The following CPEB3 variants were observed in gnomAD, a reference collection of about 807,000 sequenced individuals.
The protein encoded by CPEB3 is cytoplasmic polyadenylation element-binding protein 3.
A neutral mutation model predicts 67.2 loss-of-function variants in CPEB3; 20 were observed. The observed-to-expected ratio is 0.30, with a 90% CI of 0.21 to 0.43. CPEB3 has a LOEUF of 0.43. Among genes scored for constraint, CPEB3 ranks in the 20% least tolerant of loss-of-function variants. The probability of loss-of-function intolerance (pLI) is 1.00; values close to 1 mark genes in which losing one functional copy is unlikely to be tolerated. For missense variants in CPEB3, 746 were observed against 968.6 expected, an observed-to-expected ratio of 0.77 and a Z score of 3.05; for synonymous variants, 376 against 393.1, an observed-to-expected ratio of 0.96 and a Z score of 0.51.
intron 9 of CPEB3, among the ~76,000 whole-genome samples, chr10:92,054,492 C>G (rs1034206750): frequency 1.3e-5 from 2 of 151,918 alleles, no homozygotes; most frequent in African/African-American, 4.8e-5. Context: ...GGCGCAATCT[C>G]AGCTCACTGC....
intron 1 of CPEB3, among the ~76,000 whole-genome samples, chr10:92,283,507 T>A (rs190733863): frequency 6.6e-6 from 1 of 152,260 alleles, no homozygotes; most frequent in East Asian, 1.9e-4. Context: ...AGTATCAATG[T>A]TAAGACTCAA....
At chr10:92,054,014 T>C (rs1442902568) in intron 9 of CPEB3, among the ~76,000 whole-genome samples, 3 of 152,218 alleles carry the variant, frequency 2.0e-5, no homozygotes, top group Non-Finnish European at 2.9e-5. Context: ...GGTTTTGATT[T>C]GCATTTTTCT....
At chr10:92,195,894 T>C (rs1159834248) in intron 2 of CPEB3, among the ~76,000 whole-genome samples, 1 of 152,232 alleles carries the variant, frequency 6.6e-6, no homozygotes, top group African/African-American at 2.4e-5. Context: ...CCATGGTTAC[T>C]TCTATAGAAA....
At chr10:92,077,047 C>T (rs1842964410) in intron 9 of CPEB3, among the ~76,000 whole-genome samples, 1 of 152,026 alleles carries the variant, frequency 6.6e-6, no homozygotes, top group African/African-American at 2.4e-5. Flanking sequence ...GAGACTACTA[C>T]TAAAAACTTG....
chr10:92,071,737 A>G (rs1842761935), intron 9 of CPEB3, among the ~76,000 whole-genome samples: 1 of 151,682 alleles, frequency 6.6e-6, no homozygotes, highest in Admixed American at 6.6e-5. Context: ...TCCATCTCAA[A>G]AAAAAAAAAA....
At chr10:92,244,112 C>T (rs577638832) in intron 1 of CPEB3, among the ~76,000 whole-genome samples, 2 of 151,962 alleles carry the variant, frequency 1.3e-5, no homozygotes, top group South Asian at 2.1e-4. Flanking sequence ...TTTGGGAGGC[C>T]GAGGAGGGCA....
rs562695135 is a variant in CPEB3 at position 92,271,470 on chromosome 10, G to A, written c.-12+19456C>T. Among the ~76,000 whole-genome samples, 8 of 152,296 alleles carry A rather than the reference G, an allele frequency of 5.3e-5. 1 individual carries two copies. Among genetic ancestry groups the A allele is most frequent in the African/African-American group, 1.9e-4 (8 of 41,562 alleles). On this transcript the variant is annotated intron_variant, in intron 1 of 9. Transcript: ENST00000265997. ...CTGTAGTCTCTTTTAATCTGGGACA[G>A]TTCCTCAGTCTTTCTTTCATGACCT...
At chr10:92,164,910 T>G (rs956786802) in intron 4 of CPEB3, among the ~76,000 whole-genome samples, 2 of 152,188 alleles carry the variant, frequency 1.3e-5, no homozygotes, top group African/African-American at 4.8e-5. Context: ...ACAACACTAT[T>G]GTTTTCTACT....
intron 1 of CPEB3, among the ~76,000 whole-genome samples, chr10:92,252,050 A>G (rs540142389): frequency 2.0e-5 from 3 of 151,776 alleles, no homozygotes; most frequent in African/African-American, 7.3e-5. Context: ...CTCTATATAT[A>G]TTTTTTTTCA....
intron 6 of CPEB3, among the ~76,000 whole-genome samples, chr10:92,116,265 AAAT>A (rs1554889851): frequency 2.1e-5 from 3 of 145,822 alleles, no homozygotes; most frequent in Non-Finnish European, 3.0e-5. Flanking sequence ...AAAAAAAAAA[AAAT>A]AATAATAATA....
chr10:92,286,502 T>C (rs11816790), intron 1 of CPEB3, among the ~76,000 whole-genome samples: 2,429 of 151,694 alleles, frequency 0.016, 64 homozygotes, highest in African/African-American at 0.056. Flanking sequence ...TGAGAATCTC[T>C]TGAACCTGGG....
At chr10:92,119,964 A>G (rs1845254204) in intron 6 of CPEB3, among the ~76,000 whole-genome samples, 1 of 151,974 alleles carries the variant, frequency 6.6e-6, no homozygotes, top group Non-Finnish European at 1.5e-5. Flanking sequence ...TTAAAAAAAA[A>G]ACAAATTGCG....
In CPEB3 at chr10:92,145,082, G is replaced by C. The variant is rs753745643; in HGVS notation, c.1226C>G (p.Ala409Gly). ...GTDNIMALNN[A>G]FLDDSHGDQA... Reference sequence around the variant, plus strand: ...ATCACCATGGCTATCATCCAGGAAGGCATCTTCAAAGGGAAAGAGAGAAGA... The same window carrying C: ...ATCACCATGGCTATCATCCAGGAAGCCATCTTCAAAGGGAAAGAGAGAAGA... Residue 409 changes from alanine to glycine, a missense_variant, in exon 5 of 10, where the codon GCC (alanine) becomes GGC (glycine). By Grantham distance (60) the Ala-to-Gly change is moderately conservative. Coordinates refer to ENST00000265997, the MANE Select transcript of CPEB3 (RefSeq NM_014912.5). The C allele has an allele frequency of 1.1e-5, 17 of 1,613,970 alleles. No homozygotes were observed. The highest frequency in any genetic ancestry group is 4.5e-5 in the East Asian group (2 of 44,878).
chr10:92,237,157 G>C (rs367788185), intron 2 of CPEB3, among the ~76,000 whole-genome samples: 1 of 152,086 alleles, frequency 6.6e-6, no homozygotes, highest in Non-Finnish European at 1.5e-5. Flanking sequence ...AACTTGGTAC[G>C]GTTATCAACA....
intron 4 of CPEB3, among the ~76,000 whole-genome samples, chr10:92,170,498 G>A (rs1847950610): frequency 6.6e-6 from 1 of 152,166 alleles, no homozygotes; most frequent in Non-Finnish European, 1.5e-5. Flanking sequence ...CTTACATCAG[G>A]TGATGTTTAT....
chr10:92,071,366 T>G (rs1842746349), intron 9 of CPEB3, among the ~76,000 whole-genome samples: 1 of 152,116 alleles, frequency 6.6e-6, no homozygotes. Flanking sequence ...TATAAACAAA[T>G]TTTTCATATC....
chr10:92,258,010 G>GT (rs1485312120), intron 1 of CPEB3, among the ~76,000 whole-genome samples: 1 of 151,870 alleles, frequency 6.6e-6, no homozygotes, highest in African/African-American at 2.4e-5. Context: ...GATTACAAGC[G>GT]TGAGTTATCG....
chr10:92,140,528 T>C (rs371111910), intron 6 of CPEB3, among the ~76,000 whole-genome samples: 7,379 of 152,050 alleles, frequency 0.049, 275 homozygotes, highest in Non-Finnish European at 0.075. Flanking sequence ...ATAAAAACCC[T>C]AGAAGAAAAC....
chr10:92,224,840 C>A (rs1284696503), intron 2 of CPEB3, among the ~76,000 whole-genome samples: 2 of 148,062 alleles, frequency 1.4e-5, no homozygotes, highest in African/African-American at 2.5e-5. Flanking sequence ...AGCAAGACCA[C>A]CTGACTTCTT....
Sources: allele counts gnomAD v4.1 joint callset (sites outside exome capture counted in the v4.1 genomes callset), GRCh38; gene constraint gnomAD v4.1.1; transcripts MANE v1.5; gene names NCBI Gene and HGNC (gene_info 2026-07-23, HGNC 2026-07-21).